Variants in PRIMA1 observed in about 807,000 individuals in gnomAD.
PRIMA1 encodes proline rich membrane anchor 1.
In PRIMA1, 7 loss-of-function variants were observed where a neutral mutation model predicts 17.5. That is an observed-to-expected ratio of 0.40 (90% CI 0.23 to 0.75). The LOEUF is 0.75. Among genes scored for constraint, PRIMA1 ranks in the 30% least tolerant of loss-of-function variants. The pLI is 0.37. For missense variants in PRIMA1, 200 were observed against 201.8 expected, an observed-to-expected ratio of 0.99 and a Z score of 0.05; for synonymous variants, 97 against 77.9, an observed-to-expected ratio of 1.25 and a Z score of -1.29.
intron 3 of PRIMA1, among the ~76,000 whole-genome samples, chr14:93,758,594 C>CAAAAAAAAAAAAAAAAAAAA (rs34329291): frequency 1.2e-5 from 1 of 81,346 alleles, no homozygotes; most frequent in Non-Finnish European, 2.3e-5. Flanking sequence ...GCAAGACTCT[C>CAAAAAAAAAAAAAAAAAAAA]AAAAAAAAAA....
rs533817571 is a variant in PRIMA1, at chr14:93,723,758, A to G, written c.360-2212T>C. Among the ~76,000 whole-genome samples, 5 of 152,102 alleles carry G rather than the reference A, an allele frequency of 3.3e-5. 1 individual carries two copies. The South Asian group carries it at 1.0e-3, about 32-fold the overall frequency. The stretch of plus-strand genomic sequence containing the variant: ...TAAGAAGCTAGGCCTGGAGTAAGAG[A>G]TTCATTTCATGGGGAAACTGAGGCT... On this transcript the variant is annotated intron_variant, in intron 4 of 4. Transcript: ENST00000393140.
intron 3 of PRIMA1, among the ~76,000 whole-genome samples, chr14:93,764,618 G>A (rs1003667896): frequency 3.1e-4 from 47 of 152,166 alleles, no homozygotes; most frequent in African/African-American, 1.1e-3. Flanking sequence ...ATGAATAAAT[G>A]TTTGTGAGTG....
At chr14:93,780,784 A>G (rs1462224716) in intron 2 of PRIMA1, among the ~76,000 whole-genome samples, 1 of 152,230 alleles carries the variant, frequency 6.6e-6, no homozygotes, top group East Asian at 1.9e-4. Context: ...ACAGAGTGCC[A>G]TAAATCCAAG....
intron 3 of PRIMA1, among the ~76,000 whole-genome samples, chr14:93,748,297 A>T (rs924728099): frequency 6.6e-6 from 1 of 152,030 alleles, no homozygotes; most frequent in Non-Finnish European, 1.5e-5. Flanking sequence ...CGAAACTGAG[A>T]TTGAACCCAG....
chr14:93,747,330 C>T (rs1046309779), intron 3 of PRIMA1, among the ~76,000 whole-genome samples: 3 of 152,142 alleles, frequency 2.0e-5, no homozygotes, highest in Non-Finnish European at 2.9e-5. Flanking sequence ...GATGGTGCCA[C>T]GTGGCAGTTG....
At chr14:93,767,353 A>C (rs1178528435) in intron 3 of PRIMA1, among the ~76,000 whole-genome samples, 2 of 152,230 alleles carry the variant, frequency 1.3e-5, no homozygotes. Context: ...TCCCAAGGTC[A>C]CAAGATTCTA....
chr14:93,787,760 A>G lies in PRIMA1; in HGVS notation c.-31-11T>C. ...CGCTCCTGGGGCGAACTGTCAGGAG[A>G]GCAAGGCTAGGGTCAGGCGGACACC... On this transcript the variant is annotated splice_polypyrimidine_tract_variant and intron_variant, in intron 1 of 4. Coordinates refer to ENST00000393140, the MANE Select transcript of PRIMA1 (RefSeq NM_178013.4). The G allele has an allele frequency of 6.5e-7, 1 of 1,536,640 alleles. No homozygotes were observed.
rs1313162990 is a variant in PRIMA1, at chr14:93,726,420, A to G, written c.360-4874T>C. 6.6e-6 allele frequency among the ~76,000 whole-genome samples: 1 copy of G among 152,108 alleles called. No individual in the cohort carries two copies. The highest frequency in any genetic ancestry group is 1.5e-5 in the Non-Finnish European group (1 of 68,006). ...CGCCCCTGGGAGAAGTGAAAGTTAA[A>G]GGTCCTGGACTCACCTCTTATGAAG... On this transcript the variant is annotated intron_variant, in intron 4 of 4. Coordinates refer to ENST00000393140, the MANE Select transcript of PRIMA1 (RefSeq NM_178013.4). The surrounding 1 kb of genome is among the most constrained non-coding windows in gnomAD (Gnocchi z 4.2).
At chr14:93,749,351 G>A (rs1273937458) in intron 3 of PRIMA1, among the ~76,000 whole-genome samples, 3 of 152,090 alleles carry the variant, frequency 2.0e-5, no homozygotes, top group East Asian at 3.9e-4. Context: ...TCACTGATTC[G>A]CTCAATACAC....
In PRIMA1 at chr14:93,772,968, C is replaced by T. The variant is rs145208846; in HGVS notation, c.229+6208G>A. On this transcript the variant is annotated intron_variant, in intron 3 of 4. Coordinates refer to ENST00000393140, the MANE Select transcript of PRIMA1 (RefSeq NM_178013.4). Reference sequence around the variant, plus strand: ...TGTTAACTGGGTTCCAGGCTCTGTGCTGTGTTAGTTGTAGGGCATCGAATC... The same window carrying T: ...TGTTAACTGGGTTCCAGGCTCTGTGTTGTGTTAGTTGTAGGGCATCGAATC... Among the ~76,000 whole-genome samples, 308 of 152,304 alleles carry T rather than the reference C, an allele frequency of 2.0e-3. 2 individuals carry two copies. The highest frequency in any genetic ancestry group is 0.017 in the Admixed American group (253 of 15,304).
intron 3 of PRIMA1, among the ~76,000 whole-genome samples, chr14:93,748,056 A>G (rs575852197): frequency 0.013 from 1,464 of 116,806 alleles, 32 homozygotes; most frequent in African/African-American, 0.043. Flanking sequence ...GAGTGTGTGT[A>G]TGTGAGTGTG....
chr14:93,758,996 T>G (rs2076309585), intron 3 of PRIMA1, among the ~76,000 whole-genome samples: 1 of 152,158 alleles, frequency 6.6e-6, no homozygotes, highest in Non-Finnish European at 1.5e-5. Flanking sequence ...CAGTAAATGG[T>G]TCACAAGTGA....
Position 93,787,706 on chromosome 14 carries a change from C to G in PRIMA1, c.13G>C (p.Asp5His). 1.3e-6 allele frequency: 2 copies of G among 1,544,114 alleles called. No homozygotes were observed. Among genetic ancestry groups the G allele is most frequent in the Non-Finnish European group, 1.7e-6 (2 of 1,146,638 alleles). ...CAGCAGCCACGGCGCAGCACCAAGT[C>G]CCGGAGGAGCATCTCGGCCAGCGGC... is the stretch of plus-strand genomic sequence containing the variant. MLLR[D>H]LVLRRGCCWS... Residue 5 changes from aspartate (D) to histidine (H), a missense_variant, in exon 2 of 5, where the codon GAC becomes CAC. Coordinates refer to ENST00000393140, the MANE Select transcript of PRIMA1 (RefSeq NM_178013.4).
intron 4 of PRIMA1, among the ~76,000 whole-genome samples, chr14:93,728,957 A>G (rs2076097141): frequency 1.3e-5 from 2 of 152,164 alleles, no homozygotes; most frequent in South Asian, 4.1e-4. Context: ...ATTCCAGCCC[A>G]GGGCAGGTAA....
chr14:93,761,155 G>A (rs1213083688), intron 3 of PRIMA1, among the ~76,000 whole-genome samples: 1 of 152,032 alleles, frequency 6.6e-6, no homozygotes, highest in Non-Finnish European at 1.5e-5. Context: ...ACATCAGTCT[G>A]GCCAACATGG....
intron 3 of PRIMA1, among the ~76,000 whole-genome samples, chr14:93,763,807 T>C: frequency 6.6e-6 from 1 of 151,900 alleles, no homozygotes; most frequent in East Asian, 1.9e-4. Context: ...CGCCCCACGC[T>C]CTCCCCAGTG....
chr14:93,760,171 C>T (rs537331633), intron 3 of PRIMA1, among the ~76,000 whole-genome samples: 7 of 152,326 alleles, frequency 4.6e-5, no homozygotes, highest in Middle Eastern at 6.8e-3. Context: ...TCTTTGAAAT[C>T]AGTGGTTGCC....
At chr14:93,731,779 A>C (rs1318465813) in intron 4 of PRIMA1, among the ~76,000 whole-genome samples, 5 of 152,210 alleles carry the variant, frequency 3.3e-5, no homozygotes, top group African/African-American at 1.2e-4. Flanking sequence ...CCTTGTGCTT[A>C]GTCCCCAGCA....
chr14:93,766,346 G>A (rs1329072002), intron 3 of PRIMA1, among the ~76,000 whole-genome samples: 2 of 152,180 alleles, frequency 1.3e-5, no homozygotes, highest in Non-Finnish European at 1.5e-5. Flanking sequence ...TGGTGGCCTT[G>A]AGCAAGTCAT....
Sources: gnomAD v4.1 joint callset for allele counts (sites outside exome capture counted in the v4.1 genomes callset) on GRCh38, gnomAD v4.1.1 for gene constraint, Gnocchi (gnomAD v3.1) non-coding constraint, MANE v1.5 for transcripts, NCBI Gene and HGNC (gene_info 2026-07-23, HGNC 2026-07-21) for gene names.